GULP1: variants seen among roughly 807,000 people sequenced by gnomAD.
GULP1 encodes the protein GULP PTB domain containing engulfment adaptor 1, also known as PTB domain-containing engulfment adapter protein 1.
In GULP1, 19 loss-of-function variants were observed where a neutral mutation model predicts 40.9. That is an observed-to-expected ratio of 0.46 (90% CI 0.32 to 0.68). GULP1 has a LOEUF of 0.68. Ranked by LOEUF, GULP1 falls within the 30% of genes least tolerant of loss-of-function variation. The pLI is 0.03. For synonymous variants in GULP1, 119 were observed against 117.6 expected (o/e 1.01, Z -0.08); for missense variants, 312 against 362.2 (o/e 0.86, Z 1.12).
At chr2:188,378,013 A>G (rs972319752) in intron 1 of GULP1, among the ~76,000 whole-genome samples, 3 of 152,174 alleles carry the variant, frequency 2.0e-5, no homozygotes, top group Non-Finnish European at 4.4e-5. Context: ...CTCAATAGTC[A>G]GATGTTTAAG....
At chr2:188,324,709 A>G (rs936863074) in intron 1 of GULP1, among the ~76,000 whole-genome samples, 14 of 152,032 alleles carry the variant, frequency 9.2e-5, no homozygotes, top group African/African-American at 3.4e-4. Flanking sequence ...AATTTTATTT[A>G]GAAGTGTAGG....
intron 2 of GULP1, among the ~76,000 whole-genome samples, chr2:188,417,751 A>G (rs918812866): frequency 6.6e-6 from 1 of 152,076 alleles, no homozygotes; most frequent in Non-Finnish European, 1.5e-5. Context: ...TTTTACTTTT[A>G]GGGAAGAGCT....
intron 7 of GULP1, among the ~76,000 whole-genome samples, chr2:188,554,327 A>G (rs970890873): frequency 1.3e-5 from 2 of 151,812 alleles, no homozygotes; most frequent in Admixed American, 6.6e-5. Flanking sequence ...ACTGTGTCTC[A>G]CAGGTTTTAG....
chr2:188,488,267 A>G (rs1559299019), intron 4 of GULP1, among the ~76,000 whole-genome samples: 1 of 152,062 alleles, frequency 6.6e-6, no homozygotes, highest in Non-Finnish European at 1.5e-5. Flanking sequence ...CAGTAATTAG[A>G]GCAGCCATTT....
chr2:188,368,939 GTATA>G (rs56274020), intron 1 of GULP1, among the ~76,000 whole-genome samples: 12,519 of 85,698 alleles, frequency 0.15, 1,172 homozygotes, highest in Middle Eastern at 0.23. Flanking sequence ...ATATATGTGT[GTATA>G]TATATATATA....
intron 2 of GULP1, among the ~76,000 whole-genome samples, chr2:188,420,394 A>C (rs2055232107): frequency 6.6e-6 from 1 of 152,040 alleles, no homozygotes; most frequent in Non-Finnish European, 1.5e-5. Flanking sequence ...CTCCTTAGTT[A>C]AGTTTATTTC....
At chr2:188,504,734 A>C (rs1029398002) in intron 4 of GULP1, among the ~76,000 whole-genome samples, 13 of 151,928 alleles carry the variant, frequency 8.6e-5, no homozygotes, top group African/African-American at 3.1e-4. Flanking sequence ...CCAATTGCAA[A>C]TCAAAGTTCC....
intron 1 of GULP1, among the ~76,000 whole-genome samples, chr2:188,298,620 C>A (rs555812866): frequency 2.6e-5 from 4 of 152,088 alleles, no homozygotes; most frequent in African/African-American, 4.8e-5. Context: ...AACCTTTAAG[C>A]TTCTTAGCAG....
intron 1 of GULP1, among the ~76,000 whole-genome samples, chr2:188,344,455 C>T (rs144247698): frequency 2.2e-4 from 34 of 152,212 alleles, no homozygotes; most frequent in African/African-American, 7.5e-4. Context: ...GCAAAAAGCT[C>T]ACATAAAATT....
chr2:188,530,306 A>G (rs1393552425), intron 6 of GULP1, among the ~76,000 whole-genome samples: 2 of 152,182 alleles, frequency 1.3e-5, no homozygotes, highest in Non-Finnish European at 2.9e-5. Flanking sequence ...GGGGAACACA[A>G]TTCAGCCCAT....
intron 1 of GULP1, among the ~76,000 whole-genome samples, chr2:188,295,614 T>G (rs1223726402): frequency 6.6e-6 from 1 of 152,148 alleles, no homozygotes; most frequent in Non-Finnish European, 1.5e-5. Flanking sequence ...TTAACTCTTT[T>G]TCGGGTGAAC....
At chr2:188,451,240 A>G (rs2058812589) in intron 2 of GULP1, among the ~76,000 whole-genome samples, 1 of 152,230 alleles carries the variant, frequency 6.6e-6, no homozygotes, top group South Asian at 2.1e-4. Flanking sequence ...TGGCATGATC[A>G]AAGACATTCA....
In GULP1 at chr2:188,532,878, G is replaced by A. The variant is rs796833713; in HGVS notation, c.261+3683G>A. 1.1e-4 allele frequency among the ~76,000 whole-genome samples: 17 copies of A among 152,116 alleles called. 1 individual carries two copies. The highest frequency in any genetic ancestry group is 3.4e-4 in the African/African-American group (14 of 41,512). ...GGAGGTTGCAGTGAGCCAAGATCGC[G>A]CCACTGCACTCCAGCACAGGTGACA... is the stretch of plus-strand genomic sequence containing the variant. On this transcript the variant is annotated intron_variant, in intron 6 of 11. Coordinates refer to ENST00000409830, the MANE Select transcript of GULP1 (RefSeq NM_016315.4).
intron 4 of GULP1, among the ~76,000 whole-genome samples, chr2:188,499,593 G>T (rs2063235589): frequency 6.6e-6 from 1 of 151,620 alleles, no homozygotes. Context: ...GTTATAATTG[G>T]AATACAACCT....
intron 7 of GULP1, among the ~76,000 whole-genome samples, chr2:188,548,662 TA>T (rs747834385): frequency 2.6e-5 from 4 of 152,028 alleles, no homozygotes; most frequent in Non-Finnish European, 2.9e-5. Flanking sequence ...GTAATTCATC[TA>T]CCCTGTTTCA....
intron 2 of GULP1, among the ~76,000 whole-genome samples, chr2:188,385,382 T>C (rs2152517309): frequency 6.6e-6 from 1 of 152,208 alleles, no homozygotes; most frequent in South Asian, 2.1e-4. Flanking sequence ...GCCCATCAAG[T>C]CCCTAGACTT....
chr2:188,367,473 G>A (rs2046963654), intron 1 of GULP1, among the ~76,000 whole-genome samples: 1 of 152,170 alleles, frequency 6.6e-6, no homozygotes, highest in Non-Finnish European at 1.5e-5. Flanking sequence ...TGTGGGCATG[G>A]CACAGCAATG....
chr2:188,408,733 C>T (rs946375679), intron 2 of GULP1, among the ~76,000 whole-genome samples: 1 of 152,046 alleles, frequency 6.6e-6, no homozygotes, highest in Admixed American at 6.6e-5. Flanking sequence ...CTCAAGTGCA[C>T]GTGGAACATT....
intron 1 of GULP1, among the ~76,000 whole-genome samples, chr2:188,295,494 C>G (rs2034711752): frequency 1.3e-5 from 2 of 152,060 alleles, no homozygotes; most frequent in South Asian, 4.1e-4. Context: ...ATTGTTGATT[C>G]ATTATGATCA....
Sources: allele counts gnomAD v4.1 joint callset (sites outside exome capture counted in the v4.1 genomes callset), GRCh38; gene constraint gnomAD v4.1.1; transcripts MANE v1.5; gene names NCBI Gene and HGNC (gene_info 2026-07-23, HGNC 2026-07-21).